NRP1: variants seen among roughly 807,000 people sequenced by gnomAD.
NRP1 encodes neuropilin 1, also known as neuropilin-1.
A neutral mutation model predicts 106.7 loss-of-function variants in NRP1; 35 were observed. The ratio of observed to expected loss-of-function variants is 0.33; its 90% CI spans 0.25 to 0.43. NRP1 has a LOEUF of 0.43. NRP1 is among the 20% of genes least tolerant of loss of function. NRP1 has a pLI of 1.00. For synonymous variants in NRP1, 437 were observed against 417.9 expected (o/e 1.05, Z -0.56); for missense variants, 1,024 against 1,170.4 (o/e 0.87, Z 1.83).
At chr10:33,324,330 T>C (rs1229285023) in intron 2 of NRP1, among the ~76,000 whole-genome samples, 1 of 152,202 alleles carries the variant, frequency 6.6e-6, no homozygotes, top group South Asian at 2.1e-4. Context: ...AGTTTTTTAA[T>C]TGAATTGAGC....
At chr10:33,226,383 T>C in intron 6 of NRP1, 94 bp from the exon 7 acceptor site, 4 of 1,391,318 alleles carry the variant, frequency 2.9e-6, no homozygotes, top group Non-Finnish European at 3.9e-6. Flanking sequence ...GTGGTTTTCA[T>C]CCACCTGGGA....
chr10:33,288,437 A>G (rs1225970989), intron 2 of NRP1: 2 of 152,280 alleles, frequency 1.3e-5, no homozygotes, highest in Admixed American at 6.6e-5. Context: ...TCGTTAGGCA[A>G]GCTGTTGGTC....
Position 33,299,047 on chromosome 10 carries a change from G to A in NRP1, c.249-28191C>T, listed in dbSNP as rs534977476. Among the ~76,000 whole-genome samples, 20 of 152,240 alleles carry A rather than the reference G, an allele frequency of 1.3e-4. No individual in the cohort carries two copies. The South Asian group carries it at 4.1e-3, about 32-fold the overall frequency. ...ATACTTTAAGGACCCCACAAGGTAG[G>A]CACTATTTTTAGCCCCACTTGGTCA... is the stretch of plus-strand genomic sequence containing the variant. On this transcript the variant is annotated intron_variant, in intron 2 of 16. Transcript: ENST00000374867.
Position 33,329,403 on chromosome 10 carries a change from A to G in NRP1, c.248+1305T>C, listed in dbSNP as rs371096962. ...TGAACCAAATGACCTCATCTCTCTGACCATGAAAAGCTAGTTTACTAAACC... is the reference window on the plus strand; with the variant it reads ...TGAACCAAATGACCTCATCTCTCTGGCCATGAAAAGCTAGTTTACTAAACC... On this transcript the variant is annotated intron_variant, in intron 2 of 16. Transcript: ENST00000374867. Among the ~76,000 whole-genome samples the G allele has an allele frequency of 1.7e-3, 263 of 152,304 alleles. 1 individual carries two copies. The highest frequency in any genetic ancestry group is 6.1e-3 in the African/African-American group (252 of 41,566).
chr10:33,293,548 G>A (rs1845155935), intron 2 of NRP1, among the ~76,000 whole-genome samples: 1 of 152,188 alleles, frequency 6.6e-6, no homozygotes, highest in Non-Finnish European at 1.5e-5. Context: ...AGAGCCCCCC[G>A]TAAGTTATGT....
intron 7 of NRP1, among the ~76,000 whole-genome samples, chr10:33,222,108 T>C (rs1839293471): frequency 6.6e-6 from 1 of 152,210 alleles, no homozygotes; most frequent in Admixed American, 6.5e-5. Flanking sequence ...AGCACTATTA[T>C]ATGGATAATA....
intron 2 of NRP1, among the ~76,000 whole-genome samples, chr10:33,296,668 C>T (rs1845408562): frequency 6.6e-6 from 1 of 152,168 alleles, no homozygotes; most frequent in South Asian, 2.1e-4. Flanking sequence ...AGGCAAGAGT[C>T]AGTGAGTCCC....
chr10:33,326,517 A>G (rs1461153082), intron 2 of NRP1, among the ~76,000 whole-genome samples: 1 of 152,176 alleles, frequency 6.6e-6, no homozygotes, highest in African/African-American at 2.4e-5. Flanking sequence ...GAATCCTCTC[A>G]ATCTAATAAT....
chr10:33,204,078 T>C (rs1837569278), intron 10 of NRP1, among the ~76,000 whole-genome samples: 1 of 152,174 alleles, frequency 6.6e-6, no homozygotes, highest in African/African-American at 2.4e-5. Flanking sequence ...GCAATCTGTT[T>C]AATATTTTAC....
At chr10:33,251,309 C>A (rs1240627878) in intron 6 of NRP1, among the ~76,000 whole-genome samples, 6 of 152,192 alleles carry the variant, frequency 3.9e-5, no homozygotes, top group Non-Finnish European at 1.5e-5. Context: ...GTTTCCTCCC[C>A]AGTCATGCAG....
intron 2 of NRP1, among the ~76,000 whole-genome samples, chr10:33,283,211 A>G (rs1844271089): frequency 6.6e-6 from 1 of 152,250 alleles, no homozygotes; most frequent in South Asian, 2.1e-4. Flanking sequence ...AATGAAATGT[A>G]CATGAGAAAA....
At chr10:33,268,355 G>T (rs553603259) in intron 3 of NRP1, among the ~76,000 whole-genome samples, 33 of 152,232 alleles carry the variant, frequency 2.2e-4, no homozygotes, top group African/African-American at 7.5e-4. Context: ...GGGCCTATTT[G>T]GTTAATGGCA....
chr10:33,214,164 G>A (rs948553753), intron 8 of NRP1, among the ~76,000 whole-genome samples: 1 of 152,154 alleles, frequency 6.6e-6, no homozygotes, highest in Non-Finnish European at 1.5e-5. Flanking sequence ...GAGAACGAAT[G>A]CATACTCAGC....
At chr10:33,192,993 C>T (rs1836519422) in intron 12 of NRP1, among the ~76,000 whole-genome samples, 1 of 152,068 alleles carries the variant, frequency 6.6e-6, no homozygotes, top group Non-Finnish European at 1.5e-5. Flanking sequence ...TCCATGCCTT[C>T]TATAAGGTCG....
At chr10:33,298,789 A>G (rs1845595663) in intron 2 of NRP1, among the ~76,000 whole-genome samples, 1 of 152,202 alleles carries the variant, frequency 6.6e-6, no homozygotes, top group Admixed American at 6.5e-5. Context: ...ATTAAAGATT[A>G]TATTTACACG....
chr10:33,314,946 G>T (rs1846912287), intron 2 of NRP1, among the ~76,000 whole-genome samples: 1 of 152,214 alleles, frequency 6.6e-6, no homozygotes, highest in African/African-American at 2.4e-5. Context: ...AGCTGGAACG[G>T]AAGCAGGCTC....
intron 9 of NRP1, 90 bp from the exon 10 acceptor site, chr10:33,207,806 A>C: frequency 1.4e-6 from 2 of 1,405,494 alleles, no homozygotes; most frequent in Non-Finnish European, 9.7e-7. Flanking sequence ...CAGGACTCTG[A>C]ATAAGGCAGA....
chr10:33,202,818 A>G (rs1178475027), intron 11 of NRP1, 73 bp downstream of exon 11: 3 of 1,613,578 alleles, frequency 1.9e-6, no homozygotes, highest in Admixed American at 1.7e-5. Flanking sequence ...AAGCACACAC[A>G]CAGGCGTTAG....
At chr10:33,318,681 T>C (rs1847213895) in intron 2 of NRP1, among the ~76,000 whole-genome samples, 1 of 151,772 alleles carries the variant, frequency 6.6e-6, no homozygotes, top group African/African-American at 2.4e-5. Flanking sequence ...TCCCTCACTG[T>C]TTCCTTAGCT....
Sources: gnomAD v4.1 joint callset for allele counts (sites outside exome capture counted in the v4.1 genomes callset) on GRCh38, gnomAD v4.1.1 for gene constraint, MANE v1.5 for transcripts, NCBI Gene and HGNC (gene_info 2026-07-23, HGNC 2026-07-21) for gene names.